Variants in PLCZ1 observed in about 807,000 individuals in gnomAD.
PLCZ1 encodes the protein 1-phosphatidylinositol 4,5-bisphosphate phosphodiesterase zeta-1.
A neutral mutation model predicts 76.8 loss-of-function variants in PLCZ1; 64 were observed. The ratio of observed to expected loss-of-function variants is 0.83; its 90% CI spans 0.68 to 1.03. PLCZ1 has a LOEUF of 1.03. Ranked by LOEUF, PLCZ1 falls within the 50% of genes least tolerant of loss-of-function variation. The pLI, the probability that PLCZ1 is intolerant of heterozygous loss-of-function variation, is 0.00. For synonymous variants in PLCZ1, 248 were observed against 230.8 expected (o/e 1.07, Z -0.68); for missense variants, 751 against 713.7 (o/e 1.05, Z -0.60).
At chr12:18,712,623 A>C (rs1292970652) in intron 6 of PLCZ1, among the ~76,000 whole-genome samples, 2 of 152,178 alleles carry the variant, frequency 1.3e-5, no homozygotes, top group African/African-American at 4.8e-5. Flanking sequence ...GAGTAAACAA[A>C]AAGTTCCATG....
the PLCZ1 span, chr12:18,648,009 T>TA: frequency 6.3e-7 from 1 of 1,594,930 alleles, no homozygotes; most frequent in South Asian, 1.1e-5. Context: ...TGGTATCCAT[T>TA]AGGAAACAGT....
chr12:18,670,181 T>C, the PLCZ1 span, among the ~76,000 whole-genome samples: 746 of 152,270 alleles, frequency 4.9e-3, 7 homozygotes, highest in African/African-American at 0.017. Context: ...GTATGCTGCC[T>C]TGAAACAAGA....
At position 18,693,087 on chromosome 12, in the gene PLCZ1, G is replaced by A. The variant is rs186521283; in HGVS notation, c.1461+1823C>T. Reference sequence around the variant, plus strand: ...AAGATCAAAAGTGGATGATCTGAGGGGGACCCCAATGTCAGTAGGAATCTT... The same window carrying A: ...AAGATCAAAAGTGGATGATCTGAGGAGGACCCCAATGTCAGTAGGAATCTT... On this transcript the variant is annotated intron_variant, in intron 12 of 14. Transcript: ENST00000266505. 8.5e-5 allele frequency: 129 copies of A among 1,512,764 alleles called. 1 individual carries two copies. In the East Asian group the frequency reaches 2.9e-3, roughly 34 times the overall value. The allele number at this position is 1,512,764 out of a possible 1,614,324, so 93.7% of individuals were successfully genotyped here.
chr12:18,693,760 C>T (rs904610963), intron 12 of PLCZ1: 2 of 1,517,430 alleles, frequency 1.3e-6, no homozygotes, highest in Non-Finnish European at 1.8e-6. Flanking sequence ...TGAAAGCTAT[C>T]ATGGCCACAA....
At chr12:18,665,783 A>G in the PLCZ1 span, among the ~76,000 whole-genome samples, 1 of 152,000 alleles carries the variant, frequency 6.6e-6, no homozygotes, top group Non-Finnish European at 1.5e-5. Flanking sequence ...AAAATACAAA[A>G]AATTAGCCAG....
chr12:18,720,978 G>A (rs867122069), intron 4 of PLCZ1, among the ~76,000 whole-genome samples: 47 of 152,048 alleles, frequency 3.1e-4, no homozygotes, highest in Non-Finnish European at 4.7e-4. Flanking sequence ...ATAAAAGCTA[G>A]AAGAAAATAA....
the PLCZ1 span, among the ~76,000 whole-genome samples, chr12:18,676,532 T>C: frequency 2.4e-4 from 37 of 152,236 alleles, no homozygotes; most frequent in Admixed American, 7.9e-4. Flanking sequence ...ATCACTTACA[T>C]ACATGGTAGT....
At chr12:18,726,539 G>A (rs918300717) in intron 3 of PLCZ1, among the ~76,000 whole-genome samples, 51 of 152,138 alleles carry the variant, frequency 3.4e-4, no homozygotes, top group African/African-American at 1.2e-3. Context: ...GTTTAAATGA[G>A]TGATTGAATA....
At position 18,696,322 on chromosome 12, in the gene PLCZ1, C is replaced by CTATATATATA. The variant is rs71440372; in HGVS notation, c.1175-66_1175-57dup. 3.0e-3 allele frequency: 801 copies of CTATATATATA among 267,630 alleles called. 65 individuals are homozygous for CTATATATATA. Among genetic ancestry groups the CTATATATATA allele is most frequent in the African/African-American group, 0.024 (387 of 16,340 alleles). 16.6% of individuals were successfully genotyped at this position (267,630 alleles called of 1,614,324 possible). On this transcript the variant is annotated intron_variant, in intron 10 of 14. Coordinates refer to ENST00000266505, the MANE Select transcript of PLCZ1 (RefSeq NM_033123.4). ...GAATTCAAATAAATTTAAAAAGCCA[C>CTATATATATA]TATATATATATATATATATATATAT...
the PLCZ1 span, among the ~76,000 whole-genome samples, chr12:18,653,148 TAAAAC>T: frequency 6.6e-6 from 1 of 152,050 alleles, no homozygotes; most frequent in Non-Finnish European, 1.5e-5. Flanking sequence ...ACTAATATCA[TAAAAC>T]AAAGTGGTTG....
At chr12:18,676,268 C>T in the PLCZ1 span, among the ~76,000 whole-genome samples, 2 of 152,230 alleles carry the variant, frequency 1.3e-5, no homozygotes, top group South Asian at 4.2e-4. Flanking sequence ...TTTACCTGTT[C>T]TCTTTAGCAA....
At chr12:18,730,516 G>A (rs1005546023) in intron 3 of PLCZ1, among the ~76,000 whole-genome samples, 2 of 151,866 alleles carry the variant, frequency 1.3e-5, no homozygotes, top group African/African-American at 2.4e-5. Flanking sequence ...TTTTAGGGAG[G>A]TTTTTGAAGT....
At chr12:18,685,852 A>G (rs1024424935) in intron 13 of PLCZ1, among the ~76,000 whole-genome samples, 20 of 144,804 alleles carry the variant, frequency 1.4e-4, no homozygotes, top group African/African-American at 4.8e-4. Context: ...ACGCGCACAC[A>G]CACACACACA....
chr12:18,667,503 C>T, the PLCZ1 span, among the ~76,000 whole-genome samples: 4 of 152,122 alleles, frequency 2.6e-5, no homozygotes, highest in Admixed American at 1.3e-4. Flanking sequence ...AATAACTGCT[C>T]TATAAGCTAG....
chr12:18,695,031 C>G lies in PLCZ1; in HGVS notation c.1340G>C (p.Gly447Ala), dbSNP rs773252235. The change falls in exon 12 of 15, where the codon GGG (glycine) becomes GCG (alanine). Residue 447 changes from glycine to alanine, a missense_variant. Gly to Ala is a moderately conservative substitution (Grantham distance 60, BLOSUM62 0). Coordinates refer to ENST00000266505, the MANE Select transcript of PLCZ1 (RefSeq NM_033123.4). Reference sequence around the variant, plus strand: ...AGAACCACCATTATCCAAAAATTTCCCATTTTGCAGATCCATGGGCAGACC... The same window carrying G: ...AGAACCACCATTATCCAAAAATTTCGCATTTTGCAGATCCATGGGCAGACC... ...TPGLPMDLQN[G>A]KFLDNGGSGY... 7.4e-6 allele frequency: 12 copies of G among 1,612,938 alleles called. No individual in the cohort carries two copies. The highest frequency in any genetic ancestry group is 6.8e-6 in the Non-Finnish European group (8 of 1,179,284).
chr12:18,655,404 A>C, the PLCZ1 span, among the ~76,000 whole-genome samples: 2 of 152,212 alleles, frequency 1.3e-5, no homozygotes, highest in Admixed American at 6.5e-5. Flanking sequence ...ACACTGCTAT[A>C]AATGAATAAA....
the PLCZ1 span, among the ~76,000 whole-genome samples, chr12:18,650,862 T>G: frequency 6.6e-6 from 1 of 150,568 alleles, no homozygotes; most frequent in Non-Finnish European, 1.5e-5. Context: ...AATACTCTGG[T>G]CCAACTTACT....
rs568377547 is a variant in PLCZ1 at position 18,723,446 on chromosome 12, T to G, written c.232A>C (p.Asn78His). The G allele has an allele frequency of 1.2e-6, 2 of 1,613,008 alleles. No individual in the cohort carries two copies. Among genetic ancestry groups the G allele is most frequent in the Admixed American group, 3.3e-5 (2 of 59,840 alleles). ...ATTTTCCGGTTTTCAGAATATGTGT[T>G]GAAAATCTCAATAATTTCTTCTCTG... ...THREEIIEIF[N>H]TYSENRKILL... Residue 78 changes from asparagine to histidine, a missense_variant, in exon 4 of 15, where the codon AAC (asparagine) becomes CAC (histidine). Asn to His is a moderately conservative substitution (Grantham distance 68). Transcript: ENST00000266505.
chr12:18,694,972 T>C lies in PLCZ1; in HGVS notation c.1399A>G (p.Ser467Gly), dbSNP rs1214259553. ...TTACTTGGGTTAAAGTATGATTTACTCTCTCTTAAGAAATGTGGTTTCAAA... is the reference window on the plus strand; with the variant it reads ...TTACTTGGGTTAAAGTATGATTTACCCTCTCTTAAGAAATGTGGTTTCAAA... ...YILKPHFLRE[S>G]KSYFNPSNIK... Residue 467 changes from serine (S) to glycine (G), a missense_variant, in exon 12 of 15, where the codon AGT (serine) becomes GGT (glycine). By Grantham distance (56) the Ser-to-Gly change is moderately conservative (BLOSUM62 0). Transcript: ENST00000266505. 1 of 1,608,184 alleles carries C rather than the reference T, an allele frequency of 6.2e-7. No individual in the cohort carries two copies. Among genetic ancestry groups the C allele is most frequent in the African/African-American group, 1.3e-5 (1 of 74,730 alleles).
Sources: gnomAD v4.1 joint callset for allele counts (sites outside exome capture counted in the v4.1 genomes callset) on GRCh38, gnomAD v4.1.1 for gene constraint, MANE v1.5 for transcripts, NCBI Gene and HGNC (gene_info 2026-07-23, HGNC 2026-07-21) for gene names.